The following MALL variants were observed in gnomAD, a reference collection of about 807,000 sequenced individuals.
MALL encodes the protein mal, T cell differentiation protein like.
A neutral mutation model predicts 10.3 loss-of-function variants in MALL; 2 were observed. The observed-to-expected ratio is 0.19, with a 90% CI of 0.08 to 0.61. The LOEUF (loss-of-function observed/expected upper bound fraction) is 0.61, where lower values mean the gene tolerates loss of function less well. Ranked by LOEUF, MALL falls within the 20% of genes least tolerant of loss-of-function variation. The pLI is 0.88. For missense variants in MALL, 39 were observed against 115.2 expected (o/e 0.34, Z 3.03); for synonymous variants, 27 against 51.8 (o/e 0.52, Z 2.05).
intron 1 of MALL, 33 bp from the exon 2 acceptor site, chr2:110,091,803 A>G (rs1470540553): frequency 6.5e-7 from 1 of 1,540,328 alleles, no homozygotes. Flanking sequence ...AAGGGGCTTC[A>G]TTAGCTAGTG....
chr2:110,095,788 G>A (rs1004145553), intron 1 of MALL, among the ~76,000 whole-genome samples: 8 of 152,072 alleles, frequency 5.3e-5, no homozygotes, highest in Admixed American at 2.0e-4. Context: ...TTTGGAGAGG[G>A]AGGTTGAGCC....
chr2:110,101,950 G>A (rs1678572207), intron 1 of MALL, among the ~76,000 whole-genome samples: 1 of 151,978 alleles, frequency 6.6e-6, no homozygotes, highest in Non-Finnish European at 1.5e-5. Context: ...CAAGGGGAAG[G>A]CATCCTGCTC....
chr2:110,110,717 A>G (rs1337365604), intron 1 of MALL, among the ~76,000 whole-genome samples: 1 of 152,166 alleles, frequency 6.6e-6, no homozygotes, highest in East Asian at 1.9e-4. Context: ...AATTCATTCT[A>G]TGAAGCCAGC....
At chr2:110,117,841 A>C (rs1678953733), upstream of MALL, among the ~76,000 whole-genome samples, 1 of 151,850 alleles carries the variant, frequency 6.6e-6, no homozygotes, top group African/African-American at 2.4e-5. Context: ...ACAAACAAAA[A>C]ACAGAGATTT....
intron 1 of MALL, among the ~76,000 whole-genome samples, chr2:110,104,974 A>T (rs964260770): frequency 2.6e-5 from 4 of 152,200 alleles, no homozygotes; most frequent in Admixed American, 2.6e-4. Context: ...CGCCAATGCT[A>T]AAGTAGTATG....
At chr2:110,104,365 C>T (rs972777629) in intron 1 of MALL, among the ~76,000 whole-genome samples, 11 of 152,144 alleles carry the variant, frequency 7.2e-5, no homozygotes, top group East Asian at 1.9e-4. Context: ...CCTACTGGAC[C>T]GTGACAGGCA....
intron 1 of MALL, among the ~76,000 whole-genome samples, chr2:110,106,419 C>T (rs909217762): frequency 6.6e-6 from 1 of 152,208 alleles, no homozygotes; most frequent in Non-Finnish European, 1.5e-5. Flanking sequence ...AAGGCACACA[C>T]ACTTGCTACA....
intron 1 of MALL, among the ~76,000 whole-genome samples, chr2:110,096,063 G>A (rs530038884): frequency 1.3e-5 from 2 of 152,264 alleles, no homozygotes; most frequent in South Asian, 2.1e-4. Flanking sequence ...CGTGGTGTGG[G>A]GGCAAAGAGC....
At chr2:110,097,583 A>C in intron 1 of MALL, 1 of 456,042 alleles carries the variant, frequency 2.2e-6, no homozygotes, top group Non-Finnish European at 4.4e-6. Context: ...TCTGAGACAG[A>C]CGCTGCCTGA....
intron 1 of MALL, among the ~76,000 whole-genome samples, chr2:110,099,397 C>A (rs1362270435): frequency 6.6e-6 from 1 of 152,146 alleles, no homozygotes; most frequent in Non-Finnish European, 1.5e-5. Context: ...GGTGGATTTG[C>A]AAATACAGAA....
chr2:110,097,038 TA>T (rs1678456341), intron 1 of MALL, among the ~76,000 whole-genome samples: 1 of 141,024 alleles, frequency 7.1e-6, no homozygotes, highest in African/African-American at 2.7e-5. Flanking sequence ...GGGGACCAGT[TA>T]AATCAATTAT....
In MALL at chr2:110,100,774, G is replaced by A. The variant is rs978120460; in HGVS notation, c.106-9004C>T. 5.9e-5 allele frequency among the ~76,000 whole-genome samples: 9 copies of A among 152,126 alleles called. No homozygotes were observed. The South Asian group carries it at 6.2e-4, about 11-fold the overall frequency. On this transcript the variant is annotated intron_variant, in intron 1 of 3. Transcript: ENST00000272462. ...CCCCAGCCTGGCGGCTGCAGCAGGA[G>A]CCCCATCCCAGGGCCTGAGGGGCCA...
chr2:110,113,979 A>AC (rs1301930869), intron 1 of MALL, among the ~76,000 whole-genome samples: 1 of 151,654 alleles, frequency 6.6e-6, no homozygotes, highest in South Asian at 2.1e-4. Context: ...TGAGCCCCTC[A>AC]CCCCCCACAA....
At chr2:110,107,355 A>C (rs1273055219) in intron 1 of MALL, among the ~76,000 whole-genome samples, 1 of 152,078 alleles carries the variant, frequency 6.6e-6, no homozygotes, top group Non-Finnish European at 1.5e-5. Context: ...TGGGGGGTAC[A>C]CAGAGGGAGT....
intron 1 of MALL, among the ~76,000 whole-genome samples, chr2:110,111,587 CACAA>C (rs1366693544): frequency 6.6e-6 from 1 of 152,078 alleles, no homozygotes; most frequent in Non-Finnish European, 1.5e-5. Context: ...TCACAGATGA[CACAA>C]ACAAACGGAA....
chr2:110,102,295 C>T (rs1390264424), intron 1 of MALL, among the ~76,000 whole-genome samples: 1 of 152,166 alleles, frequency 6.6e-6, no homozygotes, highest in Non-Finnish European at 1.5e-5. Context: ...ACCATGTCAC[C>T]TCCTCCAGGA....
chr2:110,104,194 C>G (rs1678638003), intron 1 of MALL, among the ~76,000 whole-genome samples: 1 of 152,144 alleles, frequency 6.6e-6, no homozygotes, highest in South Asian at 2.1e-4. Flanking sequence ...CGCTGCCCCT[C>G]TGTCCCTGAT....
chr2:110,106,082 T>C, intron 1 of MALL, among the ~76,000 whole-genome samples: 1 of 152,332 alleles, frequency 6.6e-6, no homozygotes, highest in East Asian at 1.9e-4. Context: ...ACAAAGAGTT[T>C]GCATGGTCTC....
chr2:110,114,020 T>G (rs1361122969), intron 1 of MALL, among the ~76,000 whole-genome samples: 1 of 151,986 alleles, frequency 6.6e-6, no homozygotes. Flanking sequence ...AACACCAGCG[T>G]GCACTTTGCT....
Sources: gnomAD v4.1 joint callset for allele counts (sites outside exome capture counted in the v4.1 genomes callset) on GRCh38, gnomAD v4.1.1 for gene constraint, MANE v1.5 for transcripts, NCBI Gene and HGNC (gene_info 2026-07-23, HGNC 2026-07-21) for gene names.